Variants in TSTD2 observed in about 807,000 individuals in gnomAD.
The protein encoded by TSTD2 is thiosulfate sulfurtransferase/rhodanese-like domain-containing protein 2.
Under a neutral mutation model 47.9 loss-of-function variants are expected in TSTD2, and 37 were observed. The ratio of observed to expected loss-of-function variants is 0.77; its 90% CI spans 0.59 to 1.02. The LOEUF (loss-of-function observed/expected upper bound fraction) is 1.02. Ranked by LOEUF, TSTD2 falls within the 50% of genes least tolerant of loss-of-function variation. TSTD2 has a pLI of 0.00. For missense variants in TSTD2, 586 were observed against 616.0 expected, an observed-to-expected ratio of 0.95 and a Z score of 0.52; for synonymous variants, 201 against 215.9, an observed-to-expected ratio of 0.93 and a Z score of 0.61.
At chr9:97,610,542 G>A in intron 5 of TSTD2, 91 bp from the exon 6 acceptor site, 1 of 941,950 alleles carries the variant, frequency 1.1e-6, no homozygotes, top group South Asian at 2.3e-5. Flanking sequence ...GGTCTGTTTT[G>A]TAATAACAAT....
rs761310075 is a variant in TSTD2, at chr9:97,625,838, C to T, written c.325G>A (p.Ala109Thr). The change falls in exon 3 of 10, where the codon GCT becomes ACT. Residue 109 changes from alanine to threonine, a missense_variant. Physicochemically the swap from Ala to Thr is moderately conservative, Grantham distance 58. Coordinates refer to ENST00000341170, the MANE Select transcript of TSTD2 (RefSeq NM_139246.5). ...QHADEIYHQT[A>T]SILKQLAVTL... is the part of the protein sequence containing the mutation. The stretch of plus-strand genomic sequence containing the variant: ...ACAGCCAGTTGCTTTAAAATAGAAG[C>T]TGTCTGGTGATAAATTTCATCAGCA... 46 of 1,614,038 alleles carry T rather than the reference C, an allele frequency of 2.8e-5. No individual in the cohort carries two copies.
chr9:97,627,377 A>C (rs774031516), intron 2 of TSTD2, 21 bp downstream of exon 2: 1 of 1,577,702 alleles, frequency 6.3e-7, no homozygotes, highest in South Asian at 1.2e-5. Flanking sequence ...CATGATCATG[A>C]AACATTCATA....
At chr9:97,619,865 A>G (rs966631998) in intron 3 of TSTD2, among the ~76,000 whole-genome samples, 2 of 152,164 alleles carry the variant, frequency 1.3e-5, no homozygotes, top group African/African-American at 4.8e-5. Flanking sequence ...TCAAGGATCA[A>G]CTGTATTTCT....
Position 97,601,279 on chromosome 9 carries a change from C to G in TSTD2, c.*1190G>C. The G allele has an allele frequency of 8.4e-7, 1 of 1,195,736 alleles. No homozygotes were observed. Among genetic ancestry groups the G allele is most frequent in the Non-Finnish European group, 1.1e-6 (1 of 935,192 alleles). 74.1% of individuals were successfully genotyped at this position (1,195,736 alleles called of 1,614,324 possible). A position where few individuals can be genotyped will look rare whatever the true frequency, so the allele number is the denominator to read the frequency against. On this transcript the variant is annotated 3_prime_UTR_variant, in exon 10 of 10. Coordinates refer to ENST00000341170, the MANE Select transcript of TSTD2 (RefSeq NM_139246.5). ...ATGGCTGCGTATGTGTTTCTTGGAA[C>G]CTGTGTGACAGGGACATGTGCCTGG...
At chr9:97,619,069 G>A in intron 3 of TSTD2, among the ~76,000 whole-genome samples, 1 of 152,226 alleles carries the variant, frequency 6.6e-6, no homozygotes, top group East Asian at 1.9e-4. Flanking sequence ...ATAGCACAGT[G>A]TAGTTCACAA....
rs1410024858 is a variant in TSTD2 at position 97,600,405 on chromosome 9, T to TTAA, written c.*2063_*2064insTTA. The TTAA allele has an allele frequency of 4.1e-6, 4 of 985,836 alleles. No homozygotes were observed. The highest frequency in any genetic ancestry group is 4.8e-6 in the Non-Finnish European group (4 of 830,108). 61.1% of individuals were successfully genotyped at this position (985,836 alleles called of 1,614,324 possible). On this transcript the variant is annotated 3_prime_UTR_variant, in exon 10 of 10. Transcript: ENST00000341170. ...GCAACAAACATGTCCCTGAGTGTTCTTTAAGAACATTTGGGATTTATGTAC... is the reference window on the plus strand; with the variant it reads ...GCAACAAACATGTCCCTGAGTGTTCTTAATTAAGAACATTTGGGATTTATGTAC...
intron 1 of TSTD2, among the ~76,000 whole-genome samples, chr9:97,630,088 G>C (rs757678177): frequency 1.3e-5 from 2 of 152,078 alleles, no homozygotes; most frequent in African/African-American, 2.4e-5. Context: ...CTGTGTCACT[G>C]CTTCCTTTGA....
intron 6 of TSTD2, among the ~76,000 whole-genome samples, chr9:97,608,052 G>A (rs575532805): frequency 2.0e-5 from 3 of 152,146 alleles, no homozygotes; most frequent in East Asian, 1.9e-4. Context: ...GCGTGGTGGC[G>A]CATGCCTGTA....
At chr9:97,602,925 C>T in intron 9 of TSTD2, 158 bp from the exon 10 acceptor site, 1 of 604,460 alleles carries the variant, frequency 1.7e-6, no homozygotes. Flanking sequence ...AACAACTAAC[C>T]ACCACCCCCA....
chr9:97,600,317 T>TGAC lies in TSTD2; in HGVS notation c.*2151_*2152insGTC, dbSNP rs1826226928. 1.0e-6 allele frequency: 1 copy of TGAC among 985,814 alleles called. No individual in the cohort carries two copies. Among genetic ancestry groups the TGAC allele is most frequent in the African/African-American group, 1.8e-5 (1 of 57,110 alleles). The allele number at this position is 985,814 out of a possible 1,614,324, so 61.1% of individuals were successfully genotyped here. ...CCTTTTGCTGGATATGCAGAAATGA[T>TGAC]AGGAAAAAAACCAATGGTGAAATTT... On this transcript the variant is annotated 3_prime_UTR_variant, in exon 10 of 10. Transcript: ENST00000341170.
In TSTD2 at chr9:97,611,569, C is replaced by T. The variant is rs1826460016; in HGVS notation, c.729+5G>A. 1.3e-6 allele frequency: 2 copies of T among 1,581,636 alleles called. No homozygotes were observed. The highest frequency in any genetic ancestry group is 1.7e-6 in the Non-Finnish European group (2 of 1,153,664). On this transcript the variant is annotated splice_donor_5th_base_variant and intron_variant, in intron 5 of 9. Transcript: ENST00000341170. ...TAGATCCATTTAATTTTCATTTTCT[C>T]TTACCTTAAAATCATCTTTACACAG... is the stretch of plus-strand genomic sequence containing the variant.
chr9:97,608,299 T>C (rs1272020204), intron 6 of TSTD2, among the ~76,000 whole-genome samples: 1 of 152,198 alleles, frequency 6.6e-6, no homozygotes, highest in African/African-American at 2.4e-5. Context: ...CTACTGGCCC[T>C]GAGAACGATT....
rs1826340098 is a variant in TSTD2 at position 97,604,912 on chromosome 9, T to C, written c.1114-47A>G. On this transcript the variant is annotated intron_variant, in intron 8 of 9. Transcript: ENST00000341170. Reference sequence around the variant, plus strand: ...GAAATCTGAAGAGCCAGCAGAGACCTGTTAAGATGCTCACGGAAGAACGGC... The same window carrying C: ...GAAATCTGAAGAGCCAGCAGAGACCCGTTAAGATGCTCACGGAAGAACGGC... 3.1e-6 allele frequency: 5 copies of C among 1,605,702 alleles called. No individual in the cohort carries two copies. In the East Asian group the frequency reaches 1.1e-4, roughly 36 times the overall value.
intron 3 of TSTD2, among the ~76,000 whole-genome samples, chr9:97,621,056 G>A (rs1359019216): frequency 6.6e-6 from 1 of 152,310 alleles, no homozygotes; most frequent in African/African-American, 2.4e-5. Flanking sequence ...CTTGTTGTGG[G>A]AAGTCAGGGA....
chr9:97,611,494 A>G, intron 5 of TSTD2, 80 bp downstream of exon 5: 1 of 1,464,072 alleles, frequency 6.8e-7, no homozygotes, highest in Non-Finnish European at 9.2e-7. Flanking sequence ...TTATTTCTCT[A>G]CTTTGAACTC....
intron 5 of TSTD2, 96 bp downstream of exon 5, chr9:97,611,478 C>T (rs1260925932): frequency 2.4e-5 from 33 of 1,364,958 alleles, no homozygotes; most frequent in East Asian, 2.1e-4. Flanking sequence ...ATTTATTTGG[C>T]ACTGCTTATT....
At chr9:97,621,095 T>TAA in intron 3 of TSTD2, among the ~76,000 whole-genome samples, 1 of 152,348 alleles carries the variant, frequency 6.6e-6, no homozygotes, top group South Asian at 2.1e-4. Flanking sequence ...GCTGAAGCTG[T>TAA]GGCAGAAGAA....
intron 1 of TSTD2, among the ~76,000 whole-genome samples, 192 bp downstream of exon 1, chr9:97,633,051 G>A (rs981221592): frequency 2.6e-5 from 4 of 152,234 alleles, no homozygotes; most frequent in African/African-American, 9.6e-5. Context: ...ACAACTTAAG[G>A]AAAATGACGG....
rs1207490953 is a variant in TSTD2 at position 97,602,662 on chromosome 9, G to A, written c.1358C>T (p.Thr453Ile). ...GTCTTGACATGTGACACAACAGGCT[G>A]TGAATCCTTGTCCTTGACAGGCAGG... Reference protein sequence around the residue: ...TCPACQGQGFTACCVTCQDKG... With the variant: ...TCPACQGQGFIACCVTCQDKG... Residue 453 changes from threonine to isoleucine, a missense_variant, in exon 10 of 10, where the codon ACA becomes ATA. Physicochemically the swap from Thr to Ile is moderately conservative, Grantham distance 89 (BLOSUM62 -1). Transcript: ENST00000341170. 1 of 1,614,230 alleles carries A rather than the reference G, an allele frequency of 6.2e-7. No homozygotes were observed. The highest frequency in any genetic ancestry group is 1.1e-5 in the South Asian group (1 of 91,078).
Sources: allele counts gnomAD v4.1 joint callset (sites outside exome capture counted in the v4.1 genomes callset), GRCh38; gene constraint gnomAD v4.1.1; transcripts MANE v1.5; gene names NCBI Gene and HGNC (gene_info 2026-07-23, HGNC 2026-07-21).